Variants in DOCK3 observed in about 807,000 individuals in gnomAD.
DOCK3 encodes the protein dedicator of cytokinesis 3, also known as dedicator of cytokinesis protein 3.
In DOCK3, 60 loss-of-function variants were observed where a neutral mutation model predicts 265.6. The observed-to-expected ratio is 0.23, with a 90% CI of 0.18 to 0.28. The LOEUF (loss-of-function observed/expected upper bound fraction) is 0.28. Among genes scored for constraint, DOCK3 ranks in the 10% least tolerant of loss-of-function variants. The probability of loss-of-function intolerance (pLI) is 1.00; values close to 1 mark genes in which losing one functional copy is unlikely to be tolerated. For synonymous variants in DOCK3, 881 were observed against 938.0 expected, an observed-to-expected ratio of 0.94 and a Z score of 1.11; for missense variants, 1,981 against 2,594.3, an observed-to-expected ratio of 0.76 and a Z score of 5.14.
intron 10 of DOCK3, among the ~76,000 whole-genome samples, chr3:51,149,942 A>C (rs1441355173): frequency 6.6e-6 from 1 of 152,234 alleles, no homozygotes; most frequent in African/African-American, 2.4e-5. Context: ...TACCTCTGGT[A>C]GAATTCAGCT....
intron 37 of DOCK3, among the ~76,000 whole-genome samples, chr3:51,340,278 G>A (rs1168683075): frequency 6.6e-6 from 1 of 152,200 alleles, no homozygotes; most frequent in Non-Finnish European, 1.5e-5. Context: ...AGGCAAGGAA[G>A]AAAAAGACGT....
chr3:50,863,226 TG>T (rs1327353382), intron 3 of DOCK3, among the ~76,000 whole-genome samples: 1 of 152,104 alleles, frequency 6.6e-6, no homozygotes, highest in Non-Finnish European at 1.5e-5. Flanking sequence ...GGGGATCTGG[TG>T]GTGCTGTGAC....
chr3:51,161,375 C>T (rs1269229055), intron 12 of DOCK3, among the ~76,000 whole-genome samples: 3 of 150,900 alleles, frequency 2.0e-5, no homozygotes, highest in Non-Finnish European at 4.4e-5. Flanking sequence ...ACCTGGGAGG[C>T]GGAGCTTGCA....
At chr3:51,042,203 AATCCAGCAGCAC>A (rs372021371) in intron 5 of DOCK3, among the ~76,000 whole-genome samples, 12 of 152,342 alleles carry the variant, frequency 7.9e-5, no homozygotes, top group African/African-American at 2.9e-4. Context: ...TGGCAAACTG[AATCCAGCAGCAC>A]ATCAAAAAGT....
At chr3:51,040,541 T>C (rs1291911428) in intron 5 of DOCK3, among the ~76,000 whole-genome samples, 7 of 152,164 alleles carry the variant, frequency 4.6e-5, no homozygotes, top group Admixed American at 4.6e-4. Flanking sequence ...GTGTGGTGAT[T>C]ACTGAAGGTT....
chr3:50,876,153 A>G (rs1483661376), intron 3 of DOCK3, among the ~76,000 whole-genome samples: 2 of 152,146 alleles, frequency 1.3e-5, no homozygotes, highest in South Asian at 2.1e-4. Context: ...CAATATTTTT[A>G]TCAGAATTAT....
intron 52 of DOCK3, 49 bp downstream of exon 52, chr3:51,380,256 C>T (rs372774743): frequency 1.2e-5 from 18 of 1,554,702 alleles, no homozygotes; most frequent in Non-Finnish European, 1.5e-5. Context: ...TGAGTCATCT[C>T]GTCTGCTCTA....
At chr3:50,771,973 C>T (rs1353305137) in intron 1 of DOCK3, among the ~76,000 whole-genome samples, 2 of 152,184 alleles carry the variant, frequency 1.3e-5, no homozygotes, top group African/African-American at 2.4e-5. Flanking sequence ...ATCAATATAT[C>T]GAAGAGATAT....
intron 33 of DOCK3, 110 bp from the exon 34 acceptor site, chr3:51,332,891 C>G (rs558602186): frequency 1.2e-5 from 17 of 1,440,328 alleles, no homozygotes; most frequent in Admixed American, 1.2e-4. Context: ...TCCCTCCCCC[C>G]ACCTCAGTGG....
chr3:50,978,099 G>A (rs1181628552), intron 5 of DOCK3, among the ~76,000 whole-genome samples: 2 of 151,728 alleles, frequency 1.3e-5, no homozygotes, highest in East Asian at 1.9e-4. Context: ...GTGTCCTCCC[G>A]TAGCTCAGAG....
intron 12 of DOCK3, among the ~76,000 whole-genome samples, chr3:51,170,988 A>G (rs2086649985): frequency 6.6e-6 from 1 of 151,040 alleles, no homozygotes; most frequent in Non-Finnish European, 1.5e-5. Context: ...TTAGCTTTCC[A>G]AGAAACCAAC....
At chr3:51,113,019 G>A (rs559915916) in intron 9 of DOCK3, among the ~76,000 whole-genome samples, 55 of 62,264 alleles carry the variant, frequency 8.8e-4, no homozygotes, top group Admixed American at 6.2e-3. Context: ...GTGGATTTGA[G>A]ATTATATCTA....
intron 22 of DOCK3, among the ~76,000 whole-genome samples, chr3:51,249,864 C>G (rs985059160): frequency 3.4e-5 from 5 of 146,742 alleles, no homozygotes; most frequent in South Asian, 2.2e-4. Context: ...ATTGAGAAAT[C>G]GGATGGTTGC....
At chr3:50,895,541 G>A (rs2048855410) in intron 4 of DOCK3, among the ~76,000 whole-genome samples, 1 of 151,764 alleles carries the variant, frequency 6.6e-6, no homozygotes, top group Admixed American at 6.6e-5. Context: ...TATACTTTAA[G>A]TTCTGGGATA....
intron 1 of DOCK3, among the ~76,000 whole-genome samples, chr3:50,751,725 C>T (rs1464621645): frequency 6.6e-6 from 1 of 151,990 alleles, no homozygotes. Context: ...CTACCTGAGA[C>T]CAGGTAATTT....
chr3:51,107,489 C>T (rs1055514767), intron 9 of DOCK3, among the ~76,000 whole-genome samples: 17 of 152,030 alleles, frequency 1.1e-4, no homozygotes, highest in Admixed American at 4.6e-4. Context: ...AGCTGACAGA[C>T]GAAATAGCCA....
At chr3:51,077,070 A>G (rs975499949) in intron 7 of DOCK3, among the ~76,000 whole-genome samples, 1 of 152,130 alleles carries the variant, frequency 6.6e-6, no homozygotes, top group South Asian at 2.1e-4. Context: ...AATGCAAAAG[A>G]CTGGAATGAG....
intron 4 of DOCK3, among the ~76,000 whole-genome samples, chr3:50,929,733 C>T (rs2050956464): frequency 6.6e-6 from 1 of 151,996 alleles, no homozygotes; most frequent in Admixed American, 6.6e-5. Context: ...GTCTTTGGAG[C>T]TGAGGAAATA....
chr3:51,243,297 A>T (rs1231452635), intron 21 of DOCK3, among the ~76,000 whole-genome samples: 1 of 152,274 alleles, frequency 6.6e-6, no homozygotes, highest in African/African-American at 2.4e-5. Flanking sequence ...CTCCCTGCCA[A>T]CTCAAGTATC....
Sources: gnomAD v4.1 joint callset for allele counts (sites outside exome capture counted in the v4.1 genomes callset) on GRCh38, gnomAD v4.1.1 for gene constraint, MANE v1.5 for transcripts, NCBI Gene and HGNC (gene_info 2026-07-23, HGNC 2026-07-21) for gene names.